GNG12: variants seen among roughly 807,000 people sequenced by gnomAD.
GNG12 encodes the protein G protein subunit gamma 12, also known as guanine nucleotide-binding protein G(I)/G(S)/G(O) subunit gamma-12.
For missense variants in GNG12, 69 were observed against 83.8 expected, an observed-to-expected ratio of 0.82 and a Z score of 0.69; for synonymous variants, 28 against 29.7, an observed-to-expected ratio of 0.94 and a Z score of 0.19.
chr1:67,817,960 A>C (rs1001550199), intron 1 of GNG12, among the ~76,000 whole-genome samples: 1 of 151,076 alleles, frequency 6.6e-6, no homozygotes, highest in African/African-American at 2.4e-5. Context: ...CTAATTTTTA[A>C]AATTTTTGTA....
At chr1:67,779,763 GA>G (rs1646726832) in intron 1 of GNG12, among the ~76,000 whole-genome samples, 1 of 152,154 alleles carries the variant, frequency 6.6e-6, no homozygotes, top group South Asian at 2.1e-4. Flanking sequence ...TGCGTTCTGA[GA>G]AATGAATTGT....
intron 2 of GNG12, among the ~76,000 whole-genome samples, chr1:67,764,225 C>T (rs1387490658): frequency 1.3e-5 from 2 of 152,114 alleles, no homozygotes; most frequent in Non-Finnish European, 2.9e-5. Context: ...GGAGGCAGTG[C>T]TCCAGGTAGA....
At chr1:67,783,073 C>T (rs1464923552) in intron 1 of GNG12, among the ~76,000 whole-genome samples, 2 of 152,134 alleles carry the variant, frequency 1.3e-5, no homozygotes, top group Non-Finnish European at 2.9e-5. Flanking sequence ...TTTGTATATA[C>T]TTGCTGTAAG....
At chr1:67,830,983 G>A (rs1647041201) in intron 1 of GNG12, among the ~76,000 whole-genome samples, 2 of 152,168 alleles carry the variant, frequency 1.3e-5, no homozygotes, top group Admixed American at 1.3e-4. Context: ...TTTCTGTAAA[G>A]CCCTACAGAT....
In GNG12 at chr1:67,767,315, C is replaced by G. The variant is rs539570468; in HGVS notation, c.-27+10143G>C. Among the ~76,000 whole-genome samples the G allele has an allele frequency of 1.2e-4, 18 of 152,240 alleles. 1 individual carries two copies. In the East Asian group the frequency reaches 3.1e-3, roughly 26 times the overall value. On this transcript the variant is annotated intron_variant, in intron 2 of 3. Transcript: ENST00000370982. ...TAATGAGACTGACAGGGGTTCAGCACGACAGGGCCTGAGCTCCTCCCGCTT... is the reference window on the plus strand; with the variant it reads ...TAATGAGACTGACAGGGGTTCAGCAGGACAGGGCCTGAGCTCCTCCCGCTT...
chr1:67,800,409 T>A (rs1646857963), intron 1 of GNG12, among the ~76,000 whole-genome samples: 1 of 152,204 alleles, frequency 6.6e-6, no homozygotes, highest in Non-Finnish European at 1.5e-5. Context: ...AGTGACAGAC[T>A]ATTCTTTTTT....
At position 67,833,408 on chromosome 1, in the gene GNG12, G is replaced by A. The variant is rs1483115830; in HGVS notation, c.-141C>T. 45 of 985,170 alleles carry A rather than the reference G, an allele frequency of 4.6e-5. No homozygotes were observed. In the African/African-American group the frequency reaches 5.3e-4, roughly 11 times the overall value. The allele number at this position is 985,170 out of a possible 1,614,324, so 61.0% of individuals were successfully genotyped here. A position where few individuals can be genotyped will look rare whatever the true frequency, so the allele number is the denominator to read the frequency against. On this transcript the variant is annotated 5_prime_UTR_variant, in exon 1 of 4. Transcript: ENST00000370982. The stretch of plus-strand genomic sequence containing the variant: ...TCGGTCTCTAAGGGCTCCTGGAGAC[G>A]GCTCCGACCTCTCCTCCTCCTCCTC...
At chr1:67,793,150 T>G (rs941581130) in intron 1 of GNG12, among the ~76,000 whole-genome samples, 1 of 152,246 alleles carries the variant, frequency 6.6e-6, no homozygotes, top group African/African-American at 2.4e-5. Flanking sequence ...ATAATCTTTC[T>G]GGATCTTTTA....
At chr1:67,710,334 C>T (rs1646288119) in intron 2 of GNG12, among the ~76,000 whole-genome samples, 1 of 148,500 alleles carries the variant, frequency 6.7e-6, no homozygotes, top group Admixed American at 7.0e-5. Flanking sequence ...GCGAACATGA[C>T]ACCCTTTCTC....
At chr1:67,747,643 A>T (rs1646515004) in intron 2 of GNG12, among the ~76,000 whole-genome samples, 1 of 152,264 alleles carries the variant, frequency 6.6e-6, no homozygotes, top group South Asian at 2.1e-4. Flanking sequence ...TGTTATAAGA[A>T]GCAAATATTA....
chr1:67,714,266 C>T (rs1194073398), intron 2 of GNG12, among the ~76,000 whole-genome samples: 1 of 152,258 alleles, frequency 6.6e-6, no homozygotes, highest in East Asian at 1.9e-4. Flanking sequence ...CCTGCCAGGC[C>T]CTCTATTTGA....
At chr1:67,813,107 C>T (rs1646935324) in intron 1 of GNG12, among the ~76,000 whole-genome samples, 1 of 152,230 alleles carries the variant, frequency 6.6e-6, no homozygotes, top group South Asian at 2.1e-4. Flanking sequence ...GCTCCTGACT[C>T]TGGCCACTCT....
At chr1:67,755,698 T>A (rs1646563718) in intron 2 of GNG12, among the ~76,000 whole-genome samples, 1 of 152,190 alleles carries the variant, frequency 6.6e-6, no homozygotes. Flanking sequence ...TATACCTCAC[T>A]GTACTGAACA....
intron 3 of GNG12, 112 bp from the exon 4 acceptor site, chr1:67,705,688 T>C (rs1326043609): frequency 7.1e-7 from 1 of 1,406,946 alleles, no homozygotes; most frequent in African/African-American, 1.5e-5. Flanking sequence ...AACAAGATAA[T>C]CAGAGTCTCA....
chr1:67,729,527 C>T (rs1332062545), intron 2 of GNG12, among the ~76,000 whole-genome samples: 2 of 152,092 alleles, frequency 1.3e-5, no homozygotes, highest in Non-Finnish European at 2.9e-5. Flanking sequence ...CTAATCAGCA[C>T]CTCCCTTCCG....
chr1:67,746,840 A>T (rs1416808349), intron 2 of GNG12, among the ~76,000 whole-genome samples: 8 of 152,214 alleles, frequency 5.3e-5, no homozygotes, highest in African/African-American at 1.4e-4. Context: ...GAGACAACAG[A>T]AAGGGGGTAA....
chr1:67,763,854 A>C (rs1646620701), intron 2 of GNG12, among the ~76,000 whole-genome samples: 3 of 152,162 alleles, frequency 2.0e-5, no homozygotes, highest in Admixed American at 1.3e-4. Context: ...TACTATATTA[A>C]CAACTTTTGT....
At chr1:67,766,277 G>T (rs1013334066) in intron 2 of GNG12, among the ~76,000 whole-genome samples, 1 of 152,036 alleles carries the variant, frequency 6.6e-6, no homozygotes, top group African/African-American at 2.4e-5. Flanking sequence ...CAATTCTCTG[G>T]TCCTCCTCTA....
chr1:67,766,602 G>C (rs1287000906), intron 2 of GNG12, among the ~76,000 whole-genome samples: 1 of 148,848 alleles, frequency 6.7e-6, no homozygotes, highest in Non-Finnish European at 1.5e-5. Flanking sequence ...AATATATGTT[G>C]GTGTTTTTTT....
Sources: gnomAD v4.1 joint callset for allele counts (sites outside exome capture counted in the v4.1 genomes callset) on GRCh38, gnomAD v4.1.1 for gene constraint, MANE v1.5 for transcripts, NCBI Gene and HGNC (gene_info 2026-07-23, HGNC 2026-07-21) for gene names.